The following RMDN3 variants were observed in gnomAD, a reference collection of about 807,000 sequenced individuals.
The protein encoded by RMDN3 is regulator of microtubule dynamics 3, also known as regulator of microtubule dynamics protein 3.
A neutral mutation model predicts 61.8 loss-of-function variants in RMDN3; 41 were observed. The ratio of observed to expected loss-of-function variants is 0.66; its 90% CI spans 0.52 to 0.86. The LOEUF (loss-of-function observed/expected upper bound fraction) is 0.86, where lower values mean the gene tolerates loss of function less well. Ranked by LOEUF, RMDN3 falls within the 40% of genes least tolerant of loss-of-function variation. RMDN3 has a pLI of 0.00. For synonymous variants in RMDN3, 247 were observed against 232.0 expected, an observed-to-expected ratio of 1.06 and a Z score of -0.59; for missense variants, 557 against 585.3, an observed-to-expected ratio of 0.95 and a Z score of 0.50.
At chr15:40,740,073 G>A (rs546281086) in intron 7 of RMDN3, 60 bp downstream of exon 7, 2 of 1,114,196 alleles carry the variant, frequency 1.8e-6, no homozygotes, top group African/African-American at 1.5e-5. Flanking sequence ...AGAAAAGAAA[G>A]GGCTGTCCTC....
chr15:40,751,454 T>A lies in RMDN3; in HGVS notation c.496A>T (p.Thr166Ser), dbSNP rs760942703. The A allele has an allele frequency of 6.2e-7, 1 of 1,614,258 alleles. No homozygotes were observed. Among genetic ancestry groups the A allele is most frequent in the Non-Finnish European group, 8.5e-7 (1 of 1,180,046 alleles). Reference protein sequence around the residue: ...SVYFTASSGATFTDAESEGGY... With the variant: ...SVYFTASSGASFTDAESEGGY... ...CCTTCACTCTCAGCATCTGTGAACG[T>A]GGCTCCCGAGGAGGCCGTGAAGTAG... Residue 166 changes from threonine (T) to serine (S), a missense_variant, in exon 4 of 13, where the codon ACG becomes TCG. Transcript: ENST00000338376.
intron 6 of RMDN3, among the ~76,000 whole-genome samples, chr15:40,741,174 A>C (rs1897262106): frequency 6.6e-6 from 1 of 152,028 alleles, no homozygotes; most frequent in South Asian, 2.1e-4. Context: ...AGTTGTATAA[A>C]ATTTAAGTAA....
intron 12 of RMDN3, 34 bp from the exon 13 acceptor site, chr15:40,736,628 A>C: frequency 6.2e-7 from 1 of 1,601,960 alleles, no homozygotes. Flanking sequence ...AGGGCTCAAA[A>C]TTTAAACCAG....
chr15:40,738,704 A>C, intron 7 of RMDN3, 128 bp from the exon 8 acceptor site: 1 of 827,224 alleles, frequency 1.2e-6, no homozygotes, highest in Non-Finnish European at 2.0e-6. Flanking sequence ...GAAAATACCT[A>C]ATTTTCATCT....
rs1447284877 is a variant in RMDN3 at position 40,736,501 on chromosome 15, T to G, written c.*40A>C. On this transcript the variant is annotated 3_prime_UTR_variant, in exon 13 of 13. Transcript: ENST00000338376. ...AAAAAGCCTCCCCGCCCCCCCACCT[T>G]AAATAGTGGCATCAAGTCATGAAGG... 3 of 1,595,134 alleles carry G rather than the reference T, an allele frequency of 1.9e-6. No homozygotes were observed. The highest frequency in any genetic ancestry group is 2.6e-6 in the Non-Finnish European group (3 of 1,163,258).
intron 12 of RMDN3, 22 bp downstream of exon 12, chr15:40,737,102 A>G (rs1897083311): frequency 1.3e-6 from 2 of 1,592,610 alleles, no homozygotes; most frequent in Non-Finnish European, 1.7e-6. Context: ...TCTGCCCAAC[A>G]GGCAGTATTA....
intron 6 of RMDN3, among the ~76,000 whole-genome samples, chr15:40,741,572 G>C (rs1406034381): frequency 6.9e-6 from 1 of 144,374 alleles, no homozygotes; most frequent in Admixed American, 7.3e-5. Flanking sequence ...CGGACCACCA[G>C]ATAAGGACCA....
At chr15:40,738,884 A>T in intron 7 of RMDN3, 1 of 340,022 alleles carries the variant, frequency 2.9e-6, no homozygotes, top group Non-Finnish European at 5.4e-6. Context: ...GAGTACAGCC[A>T]CAGGCATTAA....
chr15:40,744,172 T>C (rs1488190161), intron 5 of RMDN3, 23 bp from the exon 6 acceptor site: 2 of 1,609,470 alleles, frequency 1.2e-6, no homozygotes, highest in African/African-American at 1.3e-5. Flanking sequence ...CAGAAACGGG[T>C]GAGGCCCCTT....
At chr15:40,738,457 C>G (rs1293993210) in intron 8 of RMDN3, 44 bp downstream of exon 8, 1 of 1,599,618 alleles carries the variant, frequency 6.3e-7, no homozygotes, top group Admixed American at 1.7e-5. Context: ...AGTGGGGAAT[C>G]TGGGATAGGC....
intron 5 of RMDN3, among the ~76,000 whole-genome samples, chr15:40,744,639 A>G (rs1466509694): frequency 6.7e-6 from 1 of 149,236 alleles, no homozygotes; most frequent in East Asian, 2.0e-4. Flanking sequence ...AAATGAGGAG[A>G]AAAAAAAAAT....
intron 6 of RMDN3, among the ~76,000 whole-genome samples, chr15:40,741,919 G>A (rs899384216): frequency 6.6e-6 from 1 of 151,884 alleles, no homozygotes; most frequent in African/African-American, 2.4e-5. Flanking sequence ...GAACCACCGT[G>A]CCCAGCCAAG....
intron 4 of RMDN3, among the ~76,000 whole-genome samples, chr15:40,746,050 G>T (rs1330070146): frequency 6.6e-6 from 1 of 152,164 alleles, no homozygotes; most frequent in Non-Finnish European, 1.5e-5. Flanking sequence ...TGTTTGGGGG[G>T]CTGCCATATG....
chr15:40,750,505 G>A lies in RMDN3; in HGVS notation c.524+921C>T, dbSNP rs147948904. Among the ~76,000 whole-genome samples the A allele has an allele frequency of 2.3e-3, 348 of 151,972 alleles. 2 individuals are homozygous for A. The highest frequency in any genetic ancestry group is 7.9e-3 in the East Asian group (41 of 5,172). ...CCAGGTAGTTATTTTATGTAGAGACGTGGTCTTGCTGCCTTGTCCAGGATG... is the reference window on the plus strand; with the variant it reads ...CCAGGTAGTTATTTTATGTAGAGACATGGTCTTGCTGCCTTGTCCAGGATG... On this transcript the variant is annotated intron_variant, in intron 4 of 12. Transcript: ENST00000338376.
In RMDN3 at chr15:40,736,255, C is replaced by T. The variant is rs1341463916; in HGVS notation, c.*286G>A. On this transcript the variant is annotated 3_prime_UTR_variant, in exon 13 of 13. Coordinates refer to ENST00000338376, the MANE Select transcript of RMDN3 (RefSeq NM_018145.3). ...AGCAATTGGAAGGTCTCAGGTCTTG[C>T]AGGCTCTACCCATGTGTAATCCTGG... The T allele has an allele frequency of 2.4e-6, 1 of 421,974 alleles. No homozygotes were observed. 26.1% of individuals were successfully genotyped at this position (421,974 alleles called of 1,614,324 possible).
Position 40,737,310 on chromosome 15 carries a change from G to A in RMDN3, c.1256C>T (p.Ala419Val). 1 of 1,614,008 alleles carries A rather than the reference G, an allele frequency of 6.2e-7. No individual in the cohort carries two copies. The highest frequency in any genetic ancestry group is 8.5e-7 in the Non-Finnish European group (1 of 1,179,896). Reference protein sequence around the residue: ...AEELQPGFSKAGRVYISKCYR... With the variant: ...AEELQPGFSKVGRVYISKCYR... ...TACCTTGGAAATATATACCCTTCCT[G>A]CTTTGGAAAATCCTGGCTGTAGTTC... The change falls in exon 11 of 13, where the codon GCA becomes GTA. Residue 419 changes from alanine (A) to valine (V), a missense_variant. Transcript: ENST00000338376.
At chr15:40,747,424 A>G (rs938257535) in intron 4 of RMDN3, among the ~76,000 whole-genome samples, 1 of 152,198 alleles carries the variant, frequency 6.6e-6, no homozygotes, top group Non-Finnish European at 1.5e-5. Flanking sequence ...TAGAAAGTAG[A>G]CTTTAATTGC....
At position 40,735,903 on chromosome 15, in the gene RMDN3, TTATTTCAAGTTTGTAACAAAATA is replaced by T. The variant is rs1897018805; in HGVS notation, c.*615_*637del. ...AAGAGCTGATAACATCAAATTTGGT[TTATTTCAAGTTTGTAACAAAATA>T]TATTCTAGGCAACTTTTCAGACATT... On this transcript the variant is annotated 3_prime_UTR_variant, in exon 13 of 13. Transcript: ENST00000338376. 6.6e-6 allele frequency: 1 copy of T among 152,350 alleles called. No individual in the cohort carries two copies. Among genetic ancestry groups the T allele is most frequent in the Admixed American group, 6.5e-5 (1 of 15,296 alleles). The allele number at this position is 152,350 out of a possible 1,614,324, so 9.4% of individuals were successfully genotyped here.
chr15:40,738,843 TTACACAGTAAATCTCTCC>T (rs1434024190), intron 7 of RMDN3: 12 of 513,602 alleles, frequency 2.3e-5, no homozygotes, highest in Admixed American at 6.6e-5. Flanking sequence ...TAAATCTCTC[TTACACAGTAAATCTCTCC>T]TACACTCATA....
Sources: gnomAD v4.1 joint callset for allele counts (sites outside exome capture counted in the v4.1 genomes callset) on GRCh38, gnomAD v4.1.1 for gene constraint, MANE v1.5 for transcripts, NCBI Gene and HGNC (gene_info 2026-07-23, HGNC 2026-07-21) for gene names.